Variants in TMEM120B observed in about 807,000 individuals in gnomAD.
The protein encoded by TMEM120B is transmembrane protein 120B.
In TMEM120B, 31 loss-of-function variants were observed where a neutral mutation model predicts 55.5. That is an observed-to-expected ratio of 0.56 (90% CI 0.42 to 0.75). The LOEUF is 0.75. Among genes scored for constraint, TMEM120B ranks in the 30% least tolerant of loss-of-function variants. The pLI is 0.00. For synonymous variants in TMEM120B, 203 were observed against 176.3 expected, an observed-to-expected ratio of 1.15 and a Z score of -1.20; for missense variants, 399 against 425.5, an observed-to-expected ratio of 0.94 and a Z score of 0.55.
At chr12:121,763,001 G>T (rs1009994933) in intron 6 of TMEM120B, among the ~76,000 whole-genome samples, 4 of 152,064 alleles carry the variant, frequency 2.6e-5, no homozygotes, top group Admixed American at 6.6e-5. Flanking sequence ...CTCTGAGTGC[G>T]AGAAGCCCTG....
chr12:121,736,484 C>T (rs1895118633), intron 1 of TMEM120B, among the ~76,000 whole-genome samples: 1 of 150,174 alleles, frequency 6.7e-6, no homozygotes, highest in Admixed American at 6.6e-5. Flanking sequence ...GAACTCTTGA[C>T]CTCAGGTGAT....
At chr12:121,767,632 G>A (rs1203240016) in intron 6 of TMEM120B, among the ~76,000 whole-genome samples, 1 of 152,184 alleles carries the variant, frequency 6.6e-6, no homozygotes, top group Non-Finnish European at 1.5e-5. Context: ...TGAGTGAATT[G>A]TACGGTATCT....
intron 5 of TMEM120B, chr12:121,758,245 G>A (rs1259559150): frequency 1.2e-5 from 12 of 985,338 alleles, no homozygotes; most frequent in African/African-American, 3.5e-5. Flanking sequence ...ATGGTGGGTC[G>A]GCCTCTCCAC....
intron 8 of TMEM120B, among the ~76,000 whole-genome samples, chr12:121,772,869 T>C (rs1874110224): frequency 6.6e-6 from 1 of 152,272 alleles, no homozygotes. Flanking sequence ...CTCAAAAGTT[T>C]TTATTCATAA....
intron 1 of TMEM120B, among the ~76,000 whole-genome samples, chr12:121,727,196 A>G (rs1162355689): frequency 2.2e-4 from 33 of 151,986 alleles, no homozygotes; most frequent in Admixed American, 2.2e-3. Flanking sequence ...TCCTGGCTTG[A>G]TGAAGGAATC....
chr12:121,730,544 G>T (rs1356609156), intron 1 of TMEM120B, among the ~76,000 whole-genome samples: 1 of 150,846 alleles, frequency 6.6e-6, no homozygotes, highest in Non-Finnish European at 1.5e-5. Flanking sequence ...CCAACTACTT[G>T]GAAGGCTGAG....
At chr12:121,738,339 T>C (rs1158973639) in intron 1 of TMEM120B, among the ~76,000 whole-genome samples, 1 of 152,116 alleles carries the variant, frequency 6.6e-6, no homozygotes, top group African/African-American at 2.4e-5. Context: ...ACTTGTGACA[T>C]TAAATATTAA....
At chr12:121,738,209 A>C (rs2137093863) in intron 1 of TMEM120B, among the ~76,000 whole-genome samples, 1 of 152,124 alleles carries the variant, frequency 6.6e-6, no homozygotes. Context: ...CAGTGAGCCG[A>C]GATTGCGCCA....
rs77302551 is a variant in TMEM120B at position 121,761,339 on chromosome 12, G to A, written c.462-310G>A. On this transcript the variant is annotated intron_variant, in intron 5 of 11. Coordinates refer to ENST00000449592, the MANE Select transcript of TMEM120B (RefSeq NM_001080825.2). ...CCACCAGAAATTTCACATCACATGG[G>A]AAGAGTTTAGAAGACAGACAGGTTG... Among the ~76,000 whole-genome samples, 82 of 152,290 alleles carry A rather than the reference G, an allele frequency of 5.4e-4. No individual in the cohort carries two copies. In the East Asian group the frequency reaches 0.014, roughly 26 times the overall value.
Position 121,769,572 on chromosome 12 carries a change from C to T in TMEM120B, c.552-1335C>T, listed in dbSNP as rs142280956. Among the ~76,000 whole-genome samples the T allele has an allele frequency of 5.7e-3, 865 of 151,808 alleles. 9 individuals carry two copies. The highest frequency in any genetic ancestry group is 0.02 in the African/African-American group (823 of 41,372). On this transcript the variant is annotated intron_variant, in intron 6 of 11. Transcript: ENST00000449592. ...AAAAAAATTTAGCTGGGCGTGGTGG[C>T]GCACGCCTGTGATCCCAGCTACTCA...
intron 5 of TMEM120B, among the ~76,000 whole-genome samples, chr12:121,753,250 G>C (rs1488161409): frequency 2.0e-5 from 3 of 152,178 alleles, no homozygotes; most frequent in African/African-American, 7.2e-5. Context: ...GAACTGCCCA[G>C]AACAGGCAAA....
chr12:121,730,728 C>A (rs1219571071), intron 1 of TMEM120B, among the ~76,000 whole-genome samples: 1 of 150,038 alleles, frequency 6.7e-6, no homozygotes, highest in East Asian at 2.0e-4. Context: ...GAGGCTGAGG[C>A]GGGTGGATCA....
At chr12:121,770,118 C>T (rs1359391511) in intron 6 of TMEM120B, among the ~76,000 whole-genome samples, 2 of 152,066 alleles carry the variant, frequency 1.3e-5, no homozygotes, top group East Asian at 1.9e-4. Context: ...GGAAGTACCG[C>T]CCGCCGAGTG....
intron 1 of TMEM120B, among the ~76,000 whole-genome samples, chr12:121,738,699 TG>T (rs1331161924): frequency 6.6e-6 from 1 of 152,190 alleles, no homozygotes; most frequent in African/African-American, 2.4e-5. Flanking sequence ...AGAAACTGGA[TG>T]GGCATCCTGG....
At chr12:121,715,201 G>T (rs973541443) in intron 1 of TMEM120B, among the ~76,000 whole-genome samples, 1 of 151,994 alleles carries the variant, frequency 6.6e-6, no homozygotes, top group African/African-American at 2.4e-5. Flanking sequence ...TGGGTGTGGT[G>T]GCATGTACCT....
rs765354307 is a variant in TMEM120B, at chr12:121,775,666, C to T, written c.964C>T (p.Leu322Phe). The T allele has an allele frequency of 1.9e-6, 3 of 1,614,086 alleles. No individual in the cohort carries two copies. Among genetic ancestry groups the T allele is most frequent in the Non-Finnish European group, 2.5e-6 (3 of 1,179,982 alleles). The change falls in exon 12 of 12, where the codon CTC becomes TTC. Residue 322 changes from leucine (L) to phenylalanine (F), a missense_variant. Coordinates refer to ENST00000449592, the MANE Select transcript of TMEM120B (RefSeq NM_001080825.2). This position sits in a 1 kb window ranked among gnomAD's most constrained non-coding sequence, Gnocchi z 4.3. ...ILFLGNFLTT[L>F]KVVHAKLQKN... ...CTTCCTCGGCAACTTCCTGACCACG[C>T]TCAAAGTCGTGCATGCCAAGCTCCA...
At chr12:121,752,751 A>C (rs979401935) in intron 5 of TMEM120B, among the ~76,000 whole-genome samples, 15 of 151,340 alleles carry the variant, frequency 9.9e-5, no homozygotes, top group East Asian at 2.1e-4. Flanking sequence ...CTGTCACCCC[A>C]AAAAAAAGGA....
chr12:121,727,548 A>AAAG (rs1894919651), intron 1 of TMEM120B, among the ~76,000 whole-genome samples: 2 of 141,916 alleles, frequency 1.4e-5, no homozygotes, highest in Non-Finnish European at 1.5e-5. Flanking sequence ...AAAAAAAAAA[A>AAAG]AAAAAAAAAA....
intron 1 of TMEM120B, among the ~76,000 whole-genome samples, chr12:121,726,045 A>AC (rs1205805775): frequency 4.7e-5 from 7 of 150,106 alleles, no homozygotes; most frequent in African/African-American, 7.3e-5. Context: ...CAAAAAAAAA[A>AC]AAACAAAAAA....
Sources: gnomAD v4.1 joint callset for allele counts (sites outside exome capture counted in the v4.1 genomes callset) on GRCh38, gnomAD v4.1.1 for gene constraint, Gnocchi (gnomAD v3.1) non-coding constraint, MANE v1.5 for transcripts, NCBI Gene and HGNC (gene_info 2026-07-23, HGNC 2026-07-21) for gene names.